Variants in ADAMTS16 observed in about 807,000 individuals in gnomAD.
ADAMTS16 encodes the protein A disintegrin and metalloproteinase with thrombospondin motifs 16.
A neutral mutation model predicts 145.8 loss-of-function variants in ADAMTS16; 94 were observed. The ratio of observed to expected loss-of-function variants is 0.64; its 90% CI spans 0.55 to 0.77. The LOEUF (loss-of-function observed/expected upper bound fraction) is 0.77. Among genes scored for constraint, ADAMTS16 ranks in the 30% least tolerant of loss-of-function variants. ADAMTS16 has a pLI of 0.00. For missense variants in ADAMTS16, 1,585 were observed against 1,591.5 expected, an observed-to-expected ratio of 1.00 and a Z score of 0.07; for synonymous variants, 659 against 604.3, an observed-to-expected ratio of 1.09 and a Z score of -1.33.
rs920480263 is a variant in ADAMTS16, at chr5:5,319,542, C to A, written c.*404C>A. 5 of 289,814 alleles carry A rather than the reference C, an allele frequency of 1.7e-5. No individual in the cohort carries two copies. The highest frequency in any genetic ancestry group is 2.7e-5 in the Non-Finnish European group (4 of 150,060). The allele number at this position is 289,814 out of a possible 1,614,324, so 18.0% of individuals were successfully genotyped here. A position where few individuals can be genotyped will look rare whatever the true frequency, so the allele number is the denominator to read the frequency against. On this transcript the variant is annotated 3_prime_UTR_variant, in exon 23 of 23. Transcript: ENST00000274181. ...AAGGCCATGAAATAAGGAAAACATA[C>A]AAAATATGTACCCCCTAGTTCACCA...
chr5:5,147,083 G>T (rs766337224), intron 3 of ADAMTS16, among the ~76,000 whole-genome samples: 11 of 152,086 alleles, frequency 7.2e-5, no homozygotes, highest in Non-Finnish European at 1.5e-4. Flanking sequence ...TAGAGCCGGG[G>T]GCTTATGGCC....
In ADAMTS16 at chr5:5,140,678, C is replaced by T; in HGVS notation, c.87C>T (p.Ala29=). Residue 29 remains alanine (A), a synonymous_variant, in exon 2 of 23, where the codon GCC becomes GCT. Coordinates refer to ENST00000274181, the MANE Select transcript of ADAMTS16 (RefSeq NM_139056.4). ...GTTTTCCGCAGGCACCTGCGTGCGCCATGGGACCCGCAGCGGCAGCGCCTG... is the reference window on the plus strand; with the variant it reads ...GTTTTCCGCAGGCACCTGCGTGCGCTATGGGACCCGCAGCGGCAGCGCCTG... ...AQVAEQAPAC[A]MGPAAAAPGS... 6.4e-7 allele frequency: 1 copy of T among 1,558,414 alleles called. No individual in the cohort carries two copies. Among genetic ancestry groups the T allele is most frequent in the African/African-American group, 1.4e-5 (1 of 73,980 alleles).
Position 5,169,696 on chromosome 5 carries a change from A to G in ADAMTS16, c.502-12348A>G, listed in dbSNP as rs868243969. On this transcript the variant is annotated intron_variant, in intron 3 of 22. Transcript: ENST00000274181. The stretch of plus-strand genomic sequence containing the variant: ...CTTGCTGCATGTTCATAGACCATTC[A>G]CGGGCTTCTTCTGTGGCTCCTTTTT... Among the ~76,000 whole-genome samples the G allele has an allele frequency of 1.6e-4, 24 of 152,236 alleles. 2 individuals are homozygous for G. Among genetic ancestry groups the G allele is most frequent in the South Asian group, 1.0e-3 (5 of 4,818 alleles).
chr5:5,295,511 C>A (rs1739496072), intron 18 of ADAMTS16, among the ~76,000 whole-genome samples: 1 of 152,262 alleles, frequency 6.6e-6, no homozygotes, highest in Admixed American at 6.5e-5. Context: ...CAGAAGGATG[C>A]TGACATCCCT....
intron 17 of ADAMTS16, among the ~76,000 whole-genome samples, chr5:5,251,655 C>T (rs1737625497): frequency 6.6e-6 from 1 of 152,222 alleles, no homozygotes; most frequent in South Asian, 2.1e-4. Context: ...ATTTCACTTT[C>T]ATGAACCTGG....
intron 11 of ADAMTS16, among the ~76,000 whole-genome samples, chr5:5,227,167 A>G (rs1218182273): frequency 6.6e-6 from 1 of 152,268 alleles, no homozygotes; most frequent in African/African-American, 2.4e-5. Context: ...CGCAGCTCGC[A>G]GAGCAGATCT....
intron 16 of ADAMTS16, among the ~76,000 whole-genome samples, chr5:5,241,796 G>T (rs1212702814): frequency 6.6e-6 from 1 of 151,858 alleles, no homozygotes; most frequent in Non-Finnish European, 1.5e-5. Context: ...TTGCAAAAGT[G>T]TTTGAAGTTT....
chr5:5,237,213 T>G, intron 14 of ADAMTS16, 114 bp downstream of exon 14: 1 of 1,156,730 alleles, frequency 8.6e-7, no homozygotes, highest in East Asian at 2.5e-5. Context: ...TCCCTCTAAG[T>G]TGCAGCCCAG....
At chr5:5,273,152 G>T (rs553063454) in intron 18 of ADAMTS16, among the ~76,000 whole-genome samples, 25 of 152,276 alleles carry the variant, frequency 1.6e-4, no homozygotes, top group Middle Eastern at 6.8e-3. Context: ...GTACCTGTTT[G>T]CCCTCCACTG....
At chr5:5,147,542 T>G (rs998708835) in intron 3 of ADAMTS16, among the ~76,000 whole-genome samples, 6 of 152,228 alleles carry the variant, frequency 3.9e-5, no homozygotes, top group African/African-American at 1.4e-4. Flanking sequence ...CATTCTGCTT[T>G]TTAGAGAAAT....
Position 5,239,264 on chromosome 5 carries a change from C to A in ADAMTS16, c.2268C>A (p.His756Gln), listed in dbSNP as rs770103773. ...TIHRGLYTKH[H>Q]HTNQYYHMVT... ...ACAGGGGTCTCTACACCAAGCACCA[C>A]CACACCAACCGTGAGTACTTTAGAG... Residue 756 changes from histidine (H) to glutamine (Q), a missense_variant, in exon 15 of 23, where the codon CAC (histidine) becomes CAA (glutamine). His to Gln is a conservative substitution (Grantham distance 24, BLOSUM62 0). This residue lies in a region of ADAMTS16 where 834 missense variants were observed against 811.7 expected (regional missense o/e 1.03). Transcript: ENST00000274181. 3.8e-6 allele frequency: 6 copies of A among 1,571,546 alleles called. No individual in the cohort carries two copies. In the South Asian group the frequency reaches 7.2e-5, roughly 19 times the overall value.
intron 2 of ADAMTS16, among the ~76,000 whole-genome samples, chr5:5,144,570 C>T (rs185490053): frequency 2.6e-5 from 4 of 152,226 alleles, no homozygotes; most frequent in East Asian, 1.9e-4. Context: ...TTTTAAAATT[C>T]GTCTGGGATT....
At chr5:5,249,225 C>T (rs990597096) in intron 17 of ADAMTS16, among the ~76,000 whole-genome samples, 2 of 152,160 alleles carry the variant, frequency 1.3e-5, no homozygotes, top group African/African-American at 4.8e-5. Context: ...CATAAAAAGT[C>T]TCTGATTAAG....
At chr5:5,153,840 G>A (rs1734533806) in intron 3 of ADAMTS16, among the ~76,000 whole-genome samples, 1 of 152,150 alleles carries the variant, frequency 6.6e-6, no homozygotes, top group African/African-American at 2.4e-5. Context: ...TTAATGCACA[G>A]GATAGGTATC....
At chr5:5,291,221 A>C (rs1205706586) in intron 18 of ADAMTS16, among the ~76,000 whole-genome samples, 1 of 152,048 alleles carries the variant, frequency 6.6e-6, no homozygotes, top group African/African-American at 2.4e-5. Context: ...CGTATTTACC[A>C]GTCAGGTCTT....
chr5:5,234,856 C>T (rs1579329967), intron 12 of ADAMTS16, among the ~76,000 whole-genome samples, 158 bp from the exon 13 acceptor site: 4 of 118,134 alleles, frequency 3.4e-5, no homozygotes, highest in South Asian at 6.4e-4. Context: ...GGTGACAGAG[C>T]GAGACTCCAT....
rs367653017 is a variant in ADAMTS16, at chr5:5,146,998, T to C, written c.501+543T>C. ...TGGACTGATGAATCCAGGGGTGCAT[T>C]CCCCATGTCCTGCATATCGGGTTTG... On this transcript the variant is annotated intron_variant, in intron 3 of 22. Coordinates refer to ENST00000274181, the MANE Select transcript of ADAMTS16 (RefSeq NM_139056.4). 1.1e-3 allele frequency among the ~76,000 whole-genome samples: 170 copies of C among 152,220 alleles called. 2 individuals carry two copies. The Middle Eastern group carries it at 0.017, about 15-fold the overall frequency.
At position 5,170,087 on chromosome 5, in the gene ADAMTS16, A is replaced by G. The variant is rs140362509; in HGVS notation, c.502-11957A>G. On this transcript the variant is annotated intron_variant, in intron 3 of 22. Transcript: ENST00000274181. ...CTTAGGAATAGGATTGCTGAATCCTATGGTAGCTCTATTTTTAGTTTTTTG... is the reference window on the plus strand; with the variant it reads ...CTTAGGAATAGGATTGCTGAATCCTGTGGTAGCTCTATTTTTAGTTTTTTG... 9.6e-3 allele frequency among the ~76,000 whole-genome samples: 1,458 copies of G among 152,234 alleles called. 18 individuals carry two copies. Among genetic ancestry groups the G allele is most frequent in the African/African-American group, 0.033 (1,367 of 41,550 alleles).
chr5:5,214,647 G>A (rs373950585), intron 10 of ADAMTS16, among the ~76,000 whole-genome samples: 6 of 152,206 alleles, frequency 3.9e-5, no homozygotes, highest in Middle Eastern at 3.4e-3. Context: ...CAAGCAATCC[G>A]CCTGCCTTGG....
Sources: gnomAD v4.1 joint callset for allele counts (sites outside exome capture counted in the v4.1 genomes callset) on GRCh38, gnomAD v4.1.1 for gene constraint, gnomAD v4.1.1 regional missense constraint, MANE v1.5 for transcripts, NCBI Gene and HGNC (gene_info 2026-07-23, HGNC 2026-07-21) for gene names.